The following PCSK2 variants were observed in gnomAD, a reference collection of about 807,000 sequenced individuals.
The protein encoded by PCSK2 is neuroendocrine convertase 2.
PCSK2 carries 14 observed loss-of-function variants against 69.7 expected under a neutral mutation model. That is an observed-to-expected ratio of 0.20 (90% CI 0.13 to 0.31). The LOEUF is 0.31. Ranked by LOEUF, PCSK2 falls within the 10% of genes least tolerant of loss-of-function variation. The probability of loss-of-function intolerance (pLI) is 1.00; values close to 1 mark genes in which losing one functional copy is unlikely to be tolerated. For synonymous variants in PCSK2, 307 were observed against 320.7 expected (o/e 0.96, Z 0.46); for missense variants, 544 against 842.5 (o/e 0.65, Z 4.39).
intron 1 of PCSK2, among the ~76,000 whole-genome samples, chr20:17,251,413 G>C (rs1767392963): frequency 6.6e-6 from 1 of 152,182 alleles, no homozygotes; most frequent in Admixed American, 6.5e-5. Context: ...AATCACAAAA[G>C]CTACAATGTT....
intron 8 of PCSK2, among the ~76,000 whole-genome samples, chr20:17,443,393 G>T (rs528359860): frequency 2.0e-5 from 3 of 152,262 alleles, no homozygotes; most frequent in African/African-American, 7.2e-5. Context: ...TCCTTAAGAA[G>T]CATTTAGGAT....
At chr20:17,314,575 G>A (rs1476570790) in intron 2 of PCSK2, among the ~76,000 whole-genome samples, 1 of 152,226 alleles carries the variant, frequency 6.6e-6, no homozygotes, top group Non-Finnish European at 1.5e-5. Flanking sequence ...CTAAAGTGAG[G>A]CGTGAGTTTG....
intron 11 of PCSK2, among the ~76,000 whole-genome samples, chr20:17,474,575 G>C (rs560707628): frequency 6.6e-6 from 1 of 152,086 alleles, no homozygotes; most frequent in South Asian, 2.1e-4. Flanking sequence ...TCTCAGCCTC[G>C]CTGTCATTTT....
At chr20:17,345,654 C>G (rs1157563498) in intron 2 of PCSK2, among the ~76,000 whole-genome samples, 1 of 152,174 alleles carries the variant, frequency 6.6e-6, no homozygotes, top group Non-Finnish European at 1.5e-5. Context: ...AATTTGAGGC[C>G]CTACCTCAGA....
Position 17,356,990 on chromosome 20 carries a change from C to T in PCSK2, c.283-1337C>T, listed in dbSNP as rs939743366. On this transcript the variant is annotated intron_variant, in intron 2 of 11. Transcript: ENST00000262545. ...GGATTGGAAGTAATTCCCCCAAATACACTGGGGAGATTTGGGAAGAGGAAA... is the reference window on the plus strand; with the variant it reads ...GGATTGGAAGTAATTCCCCCAAATATACTGGGGAGATTTGGGAAGAGGAAA... 8.5e-5 allele frequency among the ~76,000 whole-genome samples: 13 copies of T among 152,260 alleles called. No individual in the cohort carries two copies. The East Asian group carries it at 2.5e-3, about 29-fold the overall frequency.
At chr20:17,481,503 G>A (rs911394942) in intron 11 of PCSK2, 81 bp from the exon 12 acceptor site, 13 of 1,314,636 alleles carry the variant, frequency 9.9e-6, no homozygotes, top group East Asian at 7.9e-5. Context: ...TGCCCTTTCC[G>A]CCACCTGAAG....
chr20:17,272,400 A>T (rs1987904595), intron 2 of PCSK2, among the ~76,000 whole-genome samples: 1 of 152,156 alleles, frequency 6.6e-6, no homozygotes, highest in African/African-American at 2.4e-5. Flanking sequence ...ATTAGCTAAA[A>T]TTTCTAGGTT....
intron 3 of PCSK2, 41 bp from the exon 4 acceptor site, chr20:17,360,491 C>A: frequency 7.8e-7 from 1 of 1,285,054 alleles, no homozygotes; most frequent in Non-Finnish European, 1.1e-6. Context: ...CTTTACAACA[C>A]CAAACTAATA....
intron 5 of PCSK2, among the ~76,000 whole-genome samples, chr20:17,379,516 G>A (rs983641047): frequency 6.6e-6 from 1 of 152,226 alleles, no homozygotes; most frequent in Non-Finnish European, 1.5e-5. Flanking sequence ...AAAGAATCAT[G>A]AGTACTATAA....
At chr20:17,479,565 C>T (rs2033354774) in intron 11 of PCSK2, 2 of 280,164 alleles carry the variant, frequency 7.1e-6, no homozygotes, top group Non-Finnish European at 1.4e-5. Flanking sequence ...TTTGGGAGGC[C>T]GAGGCAGGCG....
chr20:17,360,393 G>C (rs1181729841), intron 3 of PCSK2, 139 bp from the exon 4 acceptor site: 8 of 563,428 alleles, frequency 1.4e-5, no homozygotes, highest in East Asian at 3.0e-5. Context: ...ACACCCAAAA[G>C]TACTGTTTCA....
At chr20:17,310,099 G>A (rs939705464) in intron 2 of PCSK2, among the ~76,000 whole-genome samples, 2 of 151,764 alleles carry the variant, frequency 1.3e-5, no homozygotes, top group Non-Finnish European at 2.9e-5. Flanking sequence ...GAGCAAGGGG[G>A]GAGGTGCTAA....
chr20:17,390,980 T>C (rs2031356850), intron 5 of PCSK2, among the ~76,000 whole-genome samples: 1 of 152,220 alleles, frequency 6.6e-6, no homozygotes, highest in African/African-American at 2.4e-5. Context: ...TATTCCGTCA[T>C]TTGTTTAACC....
At chr20:17,378,908 C>T (rs1318695523) in intron 5 of PCSK2, among the ~76,000 whole-genome samples, 4 of 152,150 alleles carry the variant, frequency 2.6e-5, no homozygotes, top group Admixed American at 2.0e-4. Context: ...TCTTCATTAT[C>T]GGTATATACG....
intron 2 of PCSK2, among the ~76,000 whole-genome samples, chr20:17,296,720 T>C (rs923475724): frequency 6.6e-6 from 1 of 152,230 alleles, no homozygotes; most frequent in African/African-American, 2.4e-5. Flanking sequence ...TTAATTATCA[T>C]AATTTTTTAT....
At chr20:17,272,356 C>CTCACA (rs1204553021) in intron 2 of PCSK2, among the ~76,000 whole-genome samples, 1 of 152,084 alleles carries the variant, frequency 6.6e-6, no homozygotes, top group African/African-American at 2.4e-5. Flanking sequence ...TTGTGGAAGT[C>CTCACA]ATAGATCTCA....
chr20:17,347,877 A>G (rs1269708533), intron 2 of PCSK2, among the ~76,000 whole-genome samples: 618 of 3,418 alleles, frequency 0.18, 38 homozygotes, highest in Middle Eastern at 0.67. Context: ...GAGAAAAAAG[A>G]AAGAAAGAAA....
chr20:17,233,225 T>C (rs1986208986), intron 1 of PCSK2, among the ~76,000 whole-genome samples: 2 of 152,198 alleles, frequency 1.3e-5, no homozygotes, highest in African/African-American at 2.4e-5. Flanking sequence ...TCTCAGAGGC[T>C]CATTGTCTTC....
At chr20:17,436,952 C>T in intron 8 of PCSK2, 69 bp downstream of exon 8, 2 of 1,341,728 alleles carry the variant, frequency 1.5e-6, no homozygotes, top group South Asian at 1.4e-5. Flanking sequence ...GGGGTAGATG[C>T]AACTGGGTGA....
Sources: allele counts gnomAD v4.1 joint callset (sites outside exome capture counted in the v4.1 genomes callset), GRCh38; gene constraint gnomAD v4.1.1; transcripts MANE v1.5; gene names NCBI Gene and HGNC (gene_info 2026-07-23, HGNC 2026-07-21).